Variants in RBFOX1 observed in about 807,000 individuals in gnomAD.
RBFOX1 encodes RNA binding fox-1 homolog 1.
A neutral mutation model predicts 57.7 loss-of-function variants in RBFOX1; 8 were observed. The observed-to-expected ratio is 0.14, with a 90% CI of 0.08 to 0.25. The LOEUF (loss-of-function observed/expected upper bound fraction) is 0.25. Ranked by LOEUF, RBFOX1 falls within the 10% of genes least tolerant of loss-of-function variation. RBFOX1 has a pLI of 1.00. For synonymous variants in RBFOX1, 326 were observed against 222.4 expected (o/e 1.47, Z -4.15); for missense variants, 611 against 548.5 (o/e 1.11, Z -1.14).
intron 2 of RBFOX1, among the ~76,000 whole-genome samples, chr16:5,564,605 C>G (rs926535978): frequency 6.6e-6 from 1 of 152,118 alleles, no homozygotes; most frequent in Non-Finnish European, 1.5e-5. Context: ...GTCTTTGGAG[C>G]TGTAGCATCT....
chr16:5,399,240 C>T (rs2066647512), intron 1 of RBFOX1, among the ~76,000 whole-genome samples: 2 of 152,108 alleles, frequency 1.3e-5, no homozygotes, highest in African/African-American at 4.8e-5. Context: ...AATCATGAGC[C>T]GTTATTGCCA....
At chr16:6,561,374 G>T (rs780284720) in intron 2 of RBFOX1, among the ~76,000 whole-genome samples, 30 of 152,176 alleles carry the variant, frequency 2.0e-4, no homozygotes, top group Non-Finnish European at 3.8e-4. Flanking sequence ...CAGTAGAACT[G>T]TTACAGTCTA....
At position 6,882,023 on chromosome 16, in the gene RBFOX1, C is replaced by G. The variant is rs564755808; in HGVS notation, c.-15-170034C>G. On this transcript the variant is annotated intron_variant, in intron 3 of 15. Coordinates refer to ENST00000550418, the MANE Select transcript of RBFOX1 (RefSeq NM_018723.4). The stretch of plus-strand genomic sequence containing the variant: ...AAAAAAACTAAAATCACCAAAGACT[C>G]TAGACTTCATTTCTGGAAAAATGGT... 4.6e-5 allele frequency among the ~76,000 whole-genome samples: 7 copies of G among 152,254 alleles called. No homozygotes were observed. The South Asian group carries it at 1.5e-3, about 32-fold the overall frequency.
At chr16:5,665,428 T>G (rs892184441) in intron 3 of RBFOX1, among the ~76,000 whole-genome samples, 1 of 119,632 alleles carries the variant, frequency 8.4e-6, no homozygotes, top group East Asian at 3.3e-4. Context: ...CTTATACCCC[T>G]TGTTCTCTGG....
intron 2 of RBFOX1, among the ~76,000 whole-genome samples, chr16:5,477,746 G>A (rs966867413): frequency 6.6e-6 from 1 of 151,998 alleles, no homozygotes. Context: ...TTCTGTTATG[G>A]GTGCTTTATA....
chr16:6,765,270 G>C (rs2077174294), intron 3 of RBFOX1, among the ~76,000 whole-genome samples: 1 of 152,148 alleles, frequency 6.6e-6, no homozygotes, highest in Non-Finnish European at 1.5e-5. Context: ...ATCTGGGTTT[G>C]ATTGCAAACA....
chr16:6,774,572 C>T (rs558787101), intron 3 of RBFOX1, among the ~76,000 whole-genome samples: 142 of 152,236 alleles, frequency 9.3e-4, no homozygotes, highest in Middle Eastern at 3.4e-3. Flanking sequence ...TGATAATTTA[C>T]TGATTGTTAC....
At chr16:7,686,344 A>AT (rs1242359507) in intron 14 of RBFOX1, among the ~76,000 whole-genome samples, 1 of 152,082 alleles carries the variant, frequency 6.6e-6, no homozygotes, top group Non-Finnish European at 1.5e-5. Context: ...GCAAGATCAA[A>AT]TATCCTATCC....
intron 1 of RBFOX1, among the ~76,000 whole-genome samples, chr16:6,051,920 T>G (rs1057410922): frequency 1.3e-5 from 2 of 152,026 alleles, no homozygotes; most frequent in Non-Finnish European, 2.9e-5. Context: ...GATTTTTCTT[T>G]CCAGTTCCAC....
intron 4 of RBFOX1, among the ~76,000 whole-genome samples, chr16:7,400,888 C>T (rs917419935): frequency 1.3e-5 from 2 of 152,160 alleles, no homozygotes; most frequent in African/African-American, 4.8e-5. Context: ...GAAAACAGTG[C>T]GGTTGATGAT....
intron 4 of RBFOX1, among the ~76,000 whole-genome samples, chr16:5,919,876 C>A (rs951570726): frequency 6.6e-6 from 1 of 152,186 alleles, no homozygotes; most frequent in Non-Finnish European, 1.5e-5. Flanking sequence ...GTGACCCTTT[C>A]TCTCTGCCTT....
intron 1 of RBFOX1, among the ~76,000 whole-genome samples, chr16:5,466,783 G>T (rs1242186046): frequency 6.6e-6 from 1 of 152,138 alleles, no homozygotes; most frequent in Non-Finnish European, 1.5e-5. Flanking sequence ...GCCCCAGGGA[G>T]TGTGACCTGC....
rs2083921961 is a variant in RBFOX1 at position 7,710,983 on chromosome 16, G to T, written c.*238G>T. On this transcript the variant is annotated 3_prime_UTR_variant, in exon 16 of 16. Coordinates refer to ENST00000550418, the MANE Select transcript of RBFOX1 (RefSeq NM_018723.4). ...CGTAGTTTGGTTGCTGGCTGTAGGA[G>T]TTTTTGTGGTTGATCTAGACAGATG... is the stretch of plus-strand genomic sequence containing the variant. The T allele has an allele frequency of 6.8e-6, 3 of 441,076 alleles. No individual in the cohort carries two copies. The Admixed American group carries it at 1.3e-4, about 19-fold the overall frequency. 27.3% of individuals were successfully genotyped at this position (441,076 alleles called of 1,614,324 possible).
chr16:5,670,433 C>T (rs918250272), intron 3 of RBFOX1, among the ~76,000 whole-genome samples: 3 of 152,150 alleles, frequency 2.0e-5, no homozygotes, highest in Non-Finnish European at 4.4e-5. Flanking sequence ...CCATAGGTGC[C>T]ATCAAGATCA....
intron 3 of RBFOX1, among the ~76,000 whole-genome samples, chr16:6,786,109 G>C (rs1204575700): frequency 6.6e-6 from 1 of 152,178 alleles, no homozygotes; most frequent in Non-Finnish European, 1.5e-5. Context: ...TTGTCACTTT[G>C]GCAAAAGTCT....
At chr16:7,344,455 A>T (rs1055917011) in intron 4 of RBFOX1, among the ~76,000 whole-genome samples, 1 of 150,360 alleles carries the variant, frequency 6.7e-6, no homozygotes, top group Non-Finnish European at 1.5e-5. Flanking sequence ...ACATAGTTAT[A>T]AATATATAAA....
chr16:6,520,684 G>C (rs1251898712), intron 2 of RBFOX1, among the ~76,000 whole-genome samples: 1 of 152,186 alleles, frequency 6.6e-6, no homozygotes, highest in Non-Finnish European at 1.5e-5. Context: ...CAGGGCCTCA[G>C]CAGCAGGAAC....
At chr16:7,001,612 A>C (rs1003026174) in intron 3 of RBFOX1, among the ~76,000 whole-genome samples, 1 of 151,932 alleles carries the variant, frequency 6.6e-6, no homozygotes, top group African/African-American at 2.4e-5. Flanking sequence ...ACGTGCCATC[A>C]CACCCTGCTA....
Position 5,525,393 on chromosome 16 carries a change from G to A in RBFOX1, c.258+58139G>A, listed in dbSNP as rs575228890. 1.0e-3 allele frequency among the ~76,000 whole-genome samples: 157 copies of A among 151,884 alleles called. 2 individuals carry two copies. Among genetic ancestry groups the A allele is most frequent in the South Asian group, 1.3e-3 (6 of 4,786 alleles). ...TTATTACTCTGACTTTATAGTGGGG[G>A]AAACAGATGCAGAGAAGGTGAGTGG... On this transcript the variant is annotated intron_variant, in intron 2 of 2. Coordinates refer to the RBFOX1 transcript ENST00000585867.
Sources: gnomAD v4.1 joint callset for allele counts (sites outside exome capture counted in the v4.1 genomes callset) on GRCh38, gnomAD v4.1.1 for gene constraint, MANE v1.5 for transcripts, NCBI Gene and HGNC (gene_info 2026-07-23, HGNC 2026-07-21) for gene names.